PTPRM: variants seen among roughly 807,000 people sequenced by gnomAD.
PTPRM encodes the protein protein tyrosine phosphatase receptor type M.
In PTPRM, 47 loss-of-function variants were observed where a neutral mutation model predicts 186.7. That is an observed-to-expected ratio of 0.25 (90% CI 0.20 to 0.32). The LOEUF is 0.32. PTPRM is among the 10% of genes least tolerant of loss of function. The probability of loss-of-function intolerance (pLI) is 1.00; values close to 1 mark genes in which losing one functional copy is unlikely to be tolerated. For missense variants in PTPRM, 1,494 were observed against 1,865.0 expected (o/e 0.80, Z 3.66); for synonymous variants, 668 against 674.9 (o/e 0.99, Z 0.16).
At chr18:8,245,240 G>C (rs933115372) in intron 15 of PTPRM, among the ~76,000 whole-genome samples, 1 of 152,004 alleles carries the variant, frequency 6.6e-6, no homozygotes, top group African/African-American at 2.4e-5. Context: ...TGCGTTTCTC[G>C]TACACGCGGC....
Position 7,632,421 on chromosome 18 carries a change from A to G in PTPRM, c.73+64530A>G, listed in dbSNP as rs538427053. ...AATTGGAACTTGCGTTTAATTCCACAGTCTGTGTTTCTACTCTTTTTGCTT... is the reference window on the plus strand; with the variant it reads ...AATTGGAACTTGCGTTTAATTCCACGGTCTGTGTTTCTACTCTTTTTGCTT... On this transcript the variant is annotated intron_variant, in intron 1 of 32. Coordinates refer to ENST00000580170, the MANE Select transcript of PTPRM (RefSeq NM_001105244.2). Among the ~76,000 whole-genome samples, 18 of 152,350 alleles carry G rather than the reference A, an allele frequency of 1.2e-4. No homozygotes were observed. The South Asian group carries it at 1.7e-3, about 14-fold the overall frequency.
intron 2 of PTPRM, among the ~76,000 whole-genome samples, chr18:7,860,199 A>G (rs866971366): frequency 6.6e-6 from 1 of 151,830 alleles, no homozygotes; most frequent in African/African-American, 2.4e-5. Flanking sequence ...CAGCCTCCCA[A>G]GTAGTTGGGA....
At chr18:7,744,055 C>A (rs991318817) in intron 1 of PTPRM, among the ~76,000 whole-genome samples, 2 of 152,106 alleles carry the variant, frequency 1.3e-5, no homozygotes, top group Admixed American at 1.3e-4. Flanking sequence ...AAAGCCTAAA[C>A]CAGACTATAC....
intron 23 of PTPRM, among the ~76,000 whole-genome samples, chr18:8,363,145 C>T (rs551739318): frequency 2.0e-5 from 3 of 152,350 alleles, no homozygotes; most frequent in African/African-American, 4.8e-5. Context: ...CAGGATTTCC[C>T]TCATTGCAGC....
intron 1 of PTPRM, among the ~76,000 whole-genome samples, chr18:7,695,976 T>G (rs1402701759): frequency 6.6e-6 from 1 of 152,238 alleles, no homozygotes; most frequent in Non-Finnish European, 1.5e-5. Flanking sequence ...ACAGCATTAT[T>G]AATACTTTCA....
At chr18:8,024,176 TTA>T (rs569693142) in intron 7 of PTPRM, among the ~76,000 whole-genome samples, 86 of 152,324 alleles carry the variant, frequency 5.6e-4, no homozygotes, top group African/African-American at 2.0e-3. Flanking sequence ...TGTTTTTGTT[TTA>T]TTTCTTTAAT....
intron 7 of PTPRM, among the ~76,000 whole-genome samples, chr18:8,064,769 A>C (rs1236950074): frequency 6.6e-6 from 1 of 152,208 alleles, no homozygotes; most frequent in Admixed American, 6.5e-5. Context: ...TTCACCTAAA[A>C]ACAAGGCCAT....
At chr18:8,112,986 G>T (rs1176260900) in intron 11 of PTPRM, among the ~76,000 whole-genome samples, 1 of 152,192 alleles carries the variant, frequency 6.6e-6, no homozygotes. Context: ...GAAAACATAG[G>T]AAGATAAACC....
At chr18:8,356,827 G>A (rs8087223) in intron 23 of PTPRM, among the ~76,000 whole-genome samples, 41,861 of 152,018 alleles carry the variant, frequency 0.28, 6,474 homozygotes, top group Middle Eastern at 0.5. Flanking sequence ...TGTTGTGAGC[G>A]TTTCTAGGTG....
intron 7 of PTPRM, among the ~76,000 whole-genome samples, chr18:8,021,331 CACA>C (rs2085212698): frequency 7.6e-6 from 1 of 130,890 alleles, no homozygotes; most frequent in Non-Finnish European, 1.7e-5. Flanking sequence ...CACACACACA[CACA>C]CACACACACA....
intron 7 of PTPRM, among the ~76,000 whole-genome samples, chr18:8,065,093 C>T (rs2088957501): frequency 1.3e-5 from 2 of 152,106 alleles, no homozygotes; most frequent in Non-Finnish European, 2.9e-5. Flanking sequence ...TTATCAATGA[C>T]ATGATCCTAA....
chr18:7,978,806 C>T (rs550011000), intron 7 of PTPRM, among the ~76,000 whole-genome samples: 19 of 152,232 alleles, frequency 1.2e-4, no homozygotes, highest in African/African-American at 4.3e-4. Context: ...TATGAAGGGT[C>T]TGTGAGCACG....
chr18:7,762,213 G>A (rs1943732719), intron 1 of PTPRM, among the ~76,000 whole-genome samples: 1 of 152,208 alleles, frequency 6.6e-6, no homozygotes, highest in Admixed American at 6.5e-5. Flanking sequence ...GTTACCACAT[G>A]GGAAGGAGTG....
In PTPRM at chr18:8,069,786, C is replaced by T; in HGVS notation, c.1233C>T (p.His411=). Reference sequence around the variant, plus strand: ...TTGGATATAATGTAACTCGTTGCCACAGTTATAATCTCACTGTCCACTACT... The same window carrying T: ...TTGGATATAATGTAACTCGTTGCCATAGTTATAATCTCACTGTCCACTACT... ...EPFGYNVTRC[H]SYNLTVHYCY... The change falls in exon 8 of 33, where the codon CAC becomes CAT. Residue 411 remains histidine, a synonymous_variant. Transcript: ENST00000580170. 6.2e-7 allele frequency: 1 copy of T among 1,613,954 alleles called. No individual in the cohort carries two copies. Among genetic ancestry groups the T allele is most frequent in the Non-Finnish European group, 8.5e-7 (1 of 1,179,800 alleles).
chr18:7,699,447 T>C (rs922901695), intron 1 of PTPRM, among the ~76,000 whole-genome samples: 2 of 152,214 alleles, frequency 1.3e-5, no homozygotes, highest in Admixed American at 1.3e-4. Context: ...CTTACTCTGT[T>C]GCCCAGGCTG....
At chr18:7,687,649 A>G (rs2039633938) in intron 1 of PTPRM, among the ~76,000 whole-genome samples, 1 of 152,208 alleles carries the variant, frequency 6.6e-6, no homozygotes, top group Admixed American at 6.5e-5. Flanking sequence ...TATATCAGGT[A>G]GAATGATGAT....
At chr18:7,743,261 A>G (rs2144525630) in intron 1 of PTPRM, among the ~76,000 whole-genome samples, 1 of 152,308 alleles carries the variant, frequency 6.6e-6, no homozygotes, top group East Asian at 1.9e-4. Context: ...TTCTTATCAA[A>G]TTTAATACAC....
Position 8,366,645 on chromosome 18 carries a change from C to T in PTPRM, c.3055-4245C>T, listed in dbSNP as rs77674513. ...GAGTTATAGCGTTTCTGTGCTGTTT[C>T]GTGTTTGTGAGTTTTAAAGCCAATA... is the stretch of plus-strand genomic sequence containing the variant. On this transcript the variant is annotated intron_variant, in intron 23 of 32. Transcript: ENST00000580170. Among the ~76,000 whole-genome samples, 1,482 of 152,266 alleles carry T rather than the reference C, an allele frequency of 9.7e-3. 10 individuals carry two copies. The highest frequency in any genetic ancestry group is 0.068 in the Middle Eastern group (20 of 294).
At chr18:7,792,645 A>G (rs1483441595) in intron 2 of PTPRM, among the ~76,000 whole-genome samples, 1 of 152,162 alleles carries the variant, frequency 6.6e-6, no homozygotes, top group Non-Finnish European at 1.5e-5. Flanking sequence ...TTAAATTAAC[A>G]AAAGTGTTTT....
Sources: gnomAD v4.1 joint callset for allele counts (sites outside exome capture counted in the v4.1 genomes callset) on GRCh38, gnomAD v4.1.1 for gene constraint, MANE v1.5 for transcripts, NCBI Gene and HGNC (gene_info 2026-07-23, HGNC 2026-07-21) for gene names.